NBPF3: variants seen among roughly 807,000 people sequenced by gnomAD.
NBPF3 encodes the protein NBPF member 3.
NBPF3 carries 57 observed loss-of-function variants against 78.1 expected under a neutral mutation model. The observed-to-expected ratio is 0.73, with a 90% CI of 0.59 to 0.91. NBPF3 has a LOEUF of 0.91. Ranked by LOEUF, NBPF3 falls within the 40% of genes least tolerant of loss-of-function variation. The pLI is 0.00. For synonymous variants in NBPF3, 182 were observed against 271.7 expected (o/e 0.67, Z 3.25); for missense variants, 510 against 715.3 (o/e 0.71, Z 3.27).
At chr1:21,478,107 A>G (rs980771285) in intron 8 of NBPF3, 37 bp from the exon 9 acceptor site, 9 of 1,612,964 alleles carry the variant, frequency 5.6e-6, no homozygotes, top group African/African-American at 1.3e-5. Context: ...TCTGTTGGTT[A>G]TATCTTCTGT....
At chr1:21,467,245 C>T in intron 2 of NBPF3, 1 of 985,398 alleles carries the variant, frequency 1.0e-6, no homozygotes, top group African/African-American at 1.7e-5. Flanking sequence ...ATCCAGTCCT[C>T]CTTCCTTCAC....
chr1:21,473,935 T>TA, intron 7 of NBPF3, among the ~76,000 whole-genome samples: 1 of 152,226 alleles, frequency 6.6e-6, no homozygotes, highest in East Asian at 1.9e-4. Context: ...TCTGCCTTTT[T>TA]AAGGCGACTG....
At chr1:21,477,914 C>CT (rs1005181727) in intron 8 of NBPF3, among the ~76,000 whole-genome samples, 51 of 152,266 alleles carry the variant, frequency 3.3e-4, no homozygotes, top group African/African-American at 1.2e-3. Flanking sequence ...CCTGCATTGG[C>CT]TGATCTGTGG....
intron 2 of NBPF3, chr1:21,467,074 A>C (rs1485833491): frequency 1.0e-6 from 1 of 984,410 alleles, no homozygotes; most frequent in Non-Finnish European, 1.2e-6. Context: ...TTTTAAAATA[A>C]AGAAACATGA....
intron 2 of NBPF3, among the ~76,000 whole-genome samples, chr1:21,451,575 C>T (rs1641313158): frequency 6.6e-6 from 1 of 152,212 alleles, no homozygotes; most frequent in African/African-American, 2.4e-5. Flanking sequence ...ATCACCACCA[C>T]CATGAAGTTG....
At chr1:21,463,990 A>ATAT (rs1642108244) in intron 2 of NBPF3, among the ~76,000 whole-genome samples, 1 of 152,268 alleles carries the variant, frequency 6.6e-6, no homozygotes, top group South Asian at 2.1e-4. Flanking sequence ...GAATTCTCAT[A>ATAT]TATTACTATT....
At chr1:21,455,336 C>G (rs183007678) in intron 2 of NBPF3, among the ~76,000 whole-genome samples, 68 of 152,320 alleles carry the variant, frequency 4.5e-4, no homozygotes, top group African/African-American at 1.5e-3. Flanking sequence ...TGTCTACACT[C>G]AGGAAGAAGT....
In NBPF3 at chr1:21,444,965, CCT is replaced by C; in HGVS notation, c.-121_-120del. The C allele has an allele frequency of 9.3e-7, 1 of 1,073,886 alleles. No individual in the cohort carries two copies. The highest frequency in any genetic ancestry group is 1.9e-5 in the South Asian group (1 of 51,544). 66.5% of individuals were successfully genotyped at this position (1,073,886 alleles called of 1,614,324 possible). On this transcript the variant is annotated 5_prime_UTR_variant, in exon 2 of 15. It removes the in-frame stop codon of an upstream open reading frame in the 5' UTR. Transcript: ENST00000318249. The stretch of plus-strand genomic sequence containing the variant: ...TCTCACAGGCAATCTGAAGGCAAAT[CCT>C]GTTTAGACCCAGGCGAAGGTTCCTG...
chr1:21,457,992 T>G (rs1241945960), intron 2 of NBPF3, among the ~76,000 whole-genome samples: 1 of 152,246 alleles, frequency 6.6e-6, no homozygotes, highest in African/African-American at 2.4e-5. Flanking sequence ...TATATGTGTA[T>G]GTGGAAGTGT....
chr1:21,447,247 C>T (rs1403448451), intron 2 of NBPF3, among the ~76,000 whole-genome samples: 1 of 152,186 alleles, frequency 6.6e-6, no homozygotes, highest in Non-Finnish European at 1.5e-5. Flanking sequence ...ATTGATGAAC[C>T]ACTGTTGATA....
intron 2 of NBPF3, among the ~76,000 whole-genome samples, chr1:21,447,123 T>G (rs1387995751): frequency 2.0e-5 from 3 of 152,154 alleles, no homozygotes; most frequent in Non-Finnish European, 4.4e-5. Flanking sequence ...TTTAGAACAG[T>G]TCTAGGTTTG....
chr1:21,479,816 C>CTGTGTGTGTG (rs1476158141), intron 10 of NBPF3, among the ~76,000 whole-genome samples: 1,076 of 45,476 alleles, frequency 0.024, 14 homozygotes, highest in African/African-American at 0.045. Flanking sequence ...CTCTCTCTCT[C>CTGTGTGTGTG]TCTCTGTGTG....
At chr1:21,462,540 G>A (rs1462779969) in intron 2 of NBPF3, among the ~76,000 whole-genome samples, 1 of 152,036 alleles carries the variant, frequency 6.6e-6, no homozygotes, top group Non-Finnish European at 1.5e-5. Flanking sequence ...AGAAATAAGA[G>A]GGATCCATTG....
At chr1:21,475,252 C>G (rs200389232) in intron 8 of NBPF3, among the ~76,000 whole-genome samples, 1 of 152,160 alleles carries the variant, frequency 6.6e-6, no homozygotes, top group African/African-American at 2.4e-5. Flanking sequence ...TTTTTTGTGT[C>G]TCTATCTCCT....
In NBPF3 at chr1:21,476,824, C is replaced by T. The variant is rs1642911455; in HGVS notation, c.993-1320C>T. The stretch of plus-strand genomic sequence containing the variant: ...TTTCCTGAATTTGAATGTTGGCCTG[C>T]TTTGCTAGGTTGGGGAAGTTCTCCT... On this transcript the variant is annotated intron_variant, in intron 8 of 14. Coordinates refer to ENST00000318249, the MANE Select transcript of NBPF3 (RefSeq NM_032264.6). The surrounding 1 kb of genome is among the most constrained non-coding windows in gnomAD (Gnocchi z 4.1). 6.6e-6 allele frequency among the ~76,000 whole-genome samples: 1 copy of T among 152,136 alleles called. No individual in the cohort carries two copies. The highest frequency in any genetic ancestry group is 1.5e-5 in the Non-Finnish European group (1 of 68,014).
At position 21,460,778 on chromosome 1, in the gene NBPF3, T is replaced by G. The variant is rs1220863721; in HGVS notation, c.134-7910T>G. On this transcript the variant is annotated intron_variant, in intron 2 of 14. Transcript: ENST00000318249. The surrounding 1 kb of genome is among the most constrained non-coding windows in gnomAD (Gnocchi z 4.2). ...AATTGCCCTTCATTTTTAAAAACCT[T>G]CTGCTTATTATGTTGTTGTTTAACA... Among the ~76,000 whole-genome samples, 2 of 152,206 alleles carry G rather than the reference T, an allele frequency of 1.3e-5. No individual in the cohort carries two copies. Among genetic ancestry groups the G allele is most frequent in the South Asian group, 2.1e-4 (1 of 4,834 alleles).
intron 14 of NBPF3, 49 bp from the exon 15 acceptor site, chr1:21,483,094 G>A: frequency 6.2e-7 from 1 of 1,610,514 alleles, no homozygotes; most frequent in Non-Finnish European, 8.5e-7. Flanking sequence ...GGGGCTCTGT[G>A]GTGTCTGATT....
At chr1:21,457,368 G>GTATATATATATGTATGTA (rs368844412) in intron 2 of NBPF3, among the ~76,000 whole-genome samples, 2 of 12,340 alleles carry the variant, frequency 1.6e-4, no homozygotes, top group Non-Finnish European at 1.0e-3. Flanking sequence ...ATATATGTAT[G>GTATATATATATGTATGTA]TATATATATG....
upstream of NBPF3, among the ~76,000 whole-genome samples, chr1:21,438,548 CAG>C (rs956754728): frequency 6.6e-6 from 1 of 152,142 alleles, no homozygotes; most frequent in Admixed American, 6.5e-5. Flanking sequence ...GCACTTAGAA[CAG>C]AACAGATTTT....
Sources: allele counts gnomAD v4.1 joint callset (sites outside exome capture counted in the v4.1 genomes callset), GRCh38; gene constraint gnomAD v4.1.1; non-coding constraint Gnocchi (gnomAD v3.1); transcripts MANE v1.5; gene names NCBI Gene and HGNC (gene_info 2026-07-23, HGNC 2026-07-21).